PTPRB: variants seen among roughly 807,000 people sequenced by gnomAD.
The protein encoded by PTPRB is receptor-type tyrosine-protein phosphatase beta.
Under a neutral mutation model 238.1 loss-of-function variants are expected in PTPRB, and 97 were observed. The observed-to-expected ratio is 0.41, with a 90% confidence interval of 0.35 to 0.48. The LOEUF (loss-of-function observed/expected upper bound fraction) is 0.48, where lower values mean the gene tolerates loss of function less well. Among genes scored for constraint, PTPRB ranks in the 20% least tolerant of loss-of-function variants. The pLI is 0.30. For synonymous variants in PTPRB, 970 were observed against 995.4 expected (o/e 0.97, Z 0.48); for missense variants, 2,292 against 2,681.9 (o/e 0.85, Z 3.21).
In PTPRB at chr12:70,590,246, A is replaced by G. The variant is rs754761318; in HGVS notation, c.1781-13T>C. On this transcript the variant is annotated splice_polypyrimidine_tract_variant and intron_variant, in intron 7 of 33. Transcript: ENST00000334414. ...ACTTTGTCTGGAACTAAACGGTGAA[A>G]TGATGTCAAAAAGGAGATATTACAG... is the stretch of plus-strand genomic sequence containing the variant. The G allele has an allele frequency of 5.2e-6, 8 of 1,532,258 alleles. No individual in the cohort carries two copies. The Admixed American group carries it at 1.5e-4, about 28-fold the overall frequency. 94.9% of individuals were successfully genotyped at this position (1,532,258 alleles called of 1,614,324 possible).
At chr12:70,598,808 A>G (rs1883241503) in intron 4 of PTPRB, among the ~76,000 whole-genome samples, 1 of 152,240 alleles carries the variant, frequency 6.6e-6, no homozygotes, top group African/African-American at 2.4e-5. Flanking sequence ...GTAGAATCCA[A>G]ACATATATAA....
At chr12:70,543,549 C>A (rs898733190) in intron 22 of PTPRB, among the ~76,000 whole-genome samples, 29 of 152,276 alleles carry the variant, frequency 1.9e-4, no homozygotes, top group African/African-American at 7.0e-4. Flanking sequence ...GGGAGATTAT[C>A]CCTATATTTG....
At chr12:70,616,686 G>C (rs1258403735) in intron 3 of PTPRB, among the ~76,000 whole-genome samples, 1 of 152,116 alleles carries the variant, frequency 6.6e-6, no homozygotes. Flanking sequence ...CTTCTCTTTT[G>C]ATCTCATTTT....
At chr12:70,534,396 C>T in intron 31 of PTPRB, 92 bp downstream of exon 31, 4 of 1,426,916 alleles carry the variant, frequency 2.8e-6, no homozygotes, top group Non-Finnish European at 3.8e-6. Flanking sequence ...ATCCTCCACC[C>T]ACCAAATTCC....
intron 33 of PTPRB, among the ~76,000 whole-genome samples, chr12:70,523,634 C>G (rs533906775): frequency 6.6e-6 from 1 of 152,168 alleles, no homozygotes; most frequent in South Asian, 2.1e-4. Context: ...GGAAGAGATA[C>G]CTTGTGAAAC....
chr12:70,538,328 C>T (rs1874505015), intron 27 of PTPRB, 97 bp from the exon 28 acceptor site: 1 of 997,734 alleles, frequency 1.0e-6, no homozygotes, highest in East Asian at 2.4e-5. Flanking sequence ...ACAACAGCCA[C>T]AGATGGGAAG....
At chr12:70,542,619 G>A (rs1875330251) in intron 22 of PTPRB, 1 of 150,794 alleles carries the variant, frequency 6.6e-6, no homozygotes, top group Non-Finnish European at 1.5e-5. Context: ...CTGGCGTGGT[G>A]GCTTACGCCT....
intron 25 of PTPRB, 46 bp downstream of exon 25, chr12:70,539,781 A>G (rs776958615): frequency 5.6e-6 from 9 of 1,597,746 alleles, no homozygotes; most frequent in African/African-American, 1.3e-5. Context: ...TCTGACTCAT[A>G]TTTCAAAGGC....
intron 10 of PTPRB, among the ~76,000 whole-genome samples, chr12:70,580,354 T>C (rs1219259934): frequency 6.6e-6 from 1 of 152,208 alleles, no homozygotes; most frequent in Non-Finnish European, 1.5e-5. Flanking sequence ...TTTTTATGTC[T>C]TGCAAACCAA....
In PTPRB at chr12:70,596,322, A is replaced by G. The variant is rs1883013064; in HGVS notation, c.985T>C (p.Leu329=). The change falls in exon 5 of 34, where the codon TTA becomes CTA. Residue 329 remains leucine (L), a synonymous_variant. Coordinates refer to ENST00000334414, the MANE Select transcript of PTPRB (RefSeq NM_001109754.4). ...ERTVVLQTDP[L]PPARFGVSKE... ...CTGACTCCAAACCTAGCAGGAGGTA[A>G]AGGATCTGCAAGGCAAATACACACA... 2.6e-6 allele frequency: 4 copies of G among 1,529,536 alleles called. No individual in the cohort carries two copies. Among genetic ancestry groups the G allele is most frequent in the Non-Finnish European group, 3.5e-6 (4 of 1,138,768 alleles). 94.7% of individuals were successfully genotyped at this position (1,529,536 alleles called of 1,614,324 possible).
At chr12:70,599,460 A>C (rs1199950849) in intron 4 of PTPRB, among the ~76,000 whole-genome samples, 1 of 152,208 alleles carries the variant, frequency 6.6e-6, no homozygotes, top group Admixed American at 6.5e-5. Flanking sequence ...GAAGTATTAT[A>C]AAATATGAGA....
chr12:70,523,480 C>T (rs535747171), intron 33 of PTPRB, among the ~76,000 whole-genome samples: 1 of 152,252 alleles, frequency 6.6e-6, no homozygotes, highest in East Asian at 1.9e-4. Context: ...ACCCTGATAC[C>T]TTGATTGACA....
At chr12:70,562,223 G>A (rs921451542) in intron 16 of PTPRB, among the ~76,000 whole-genome samples, 7 of 152,230 alleles carry the variant, frequency 4.6e-5, no homozygotes, top group African/African-American at 1.4e-4. Flanking sequence ...GGTCGAGGCT[G>A]CAGGGAGCCA....
intron 2 of PTPRB, among the ~76,000 whole-genome samples, chr12:70,632,644 T>C (rs1177959414): frequency 6.6e-6 from 1 of 152,074 alleles, no homozygotes; most frequent in Non-Finnish European, 1.5e-5. Flanking sequence ...GAAAGGAAAG[T>C]ACTTTCTTCT....
At chr12:70,605,415 T>A (rs1883865193) in intron 4 of PTPRB, among the ~76,000 whole-genome samples, 1 of 152,210 alleles carries the variant, frequency 6.6e-6, no homozygotes, top group Non-Finnish European at 1.5e-5. Flanking sequence ...TTTCCATTCA[T>A]CCATCTATCC....
Position 70,592,534 on chromosome 12 carries a change from C to A in PTPRB, c.1528G>T (p.Val510Phe), listed in dbSNP as rs377509461. 6.2e-7 allele frequency: 1 copy of A among 1,613,596 alleles called. No individual in the cohort carries two copies. The highest frequency in any genetic ancestry group is 1.3e-5 in the African/African-American group (1 of 74,996). Residue 510 changes from valine (V) to phenylalanine (F), a missense_variant, in exon 7 of 34, where the codon GTC (valine) becomes TTC (phenylalanine). Val to Phe is a conservative substitution (Grantham distance 50, BLOSUM62 -1). Coordinates refer to ENST00000334414, the MANE Select transcript of PTPRB (RefSeq NM_001109754.4). ...TCATTTGTCACCTTCAGATTTGAGA[C>A]TTCCATGGGGGCTAATCAGGAAAGA... ...WKLVRTAPME[V>F]SNLKVTNDGS...
At chr12:70,620,591 A>G (rs542133145) in intron 3 of PTPRB, among the ~76,000 whole-genome samples, 4 of 152,300 alleles carry the variant, frequency 2.6e-5, no homozygotes, top group African/African-American at 9.6e-5. Context: ...TTAGAATGGA[A>G]GTTTTGGCTA....
At chr12:70,533,290 T>C (rs892851519) in intron 31 of PTPRB, among the ~76,000 whole-genome samples, 5 of 151,602 alleles carry the variant, frequency 3.3e-5, no homozygotes, top group African/African-American at 1.2e-4. Flanking sequence ...CACCTTCCTA[T>C]TAAAAGTGTC....
intron 3 of PTPRB, among the ~76,000 whole-genome samples, chr12:70,621,636 G>T (rs1201162901): frequency 2.6e-5 from 4 of 152,208 alleles, no homozygotes; most frequent in African/African-American, 9.6e-5. Context: ...CAATGCAAAA[G>T]ATACCAGAAT....
Sources: gnomAD v4.1 joint callset for allele counts (sites outside exome capture counted in the v4.1 genomes callset) on GRCh38, gnomAD v4.1.1 for gene constraint, MANE v1.5 for transcripts, NCBI Gene and HGNC (gene_info 2026-07-23, HGNC 2026-07-21) for gene names.